RBM33: variants seen among roughly 807,000 people sequenced by gnomAD.
RBM33 encodes RNA binding motif protein 33, also known as RNA-binding protein 33.
A neutral mutation model predicts 132.6 loss-of-function variants in RBM33; 28 were observed. The observed-to-expected ratio is 0.21, with a 90% confidence interval of 0.16 to 0.29. RBM33 has a LOEUF of 0.29. Among genes scored for constraint, RBM33 ranks in the 10% least tolerant of loss-of-function variants. The pLI is 1.00. For missense variants in RBM33, 1,291 were observed against 1,518.5 expected, an observed-to-expected ratio of 0.85 and a Z score of 2.49; for synonymous variants, 634 against 593.0, an observed-to-expected ratio of 1.07 and a Z score of -1.01.
chr7:155,686,680 C>G (rs142733816), intron 5 of RBM33, among the ~76,000 whole-genome samples: 4,210 of 151,874 alleles, frequency 0.028, 90 homozygotes, highest in South Asian at 0.055. Flanking sequence ...CTTCCTGTGT[C>G]CAAGTGTTCT....
chr7:155,759,416 T>C (rs1267520007), intron 14 of RBM33, among the ~76,000 whole-genome samples: 2 of 64,636 alleles, frequency 3.1e-5, no homozygotes, highest in South Asian at 4.0e-4. Flanking sequence ...GTTTATGTTC[T>C]TTTTTTTTTT....
chr7:155,757,581 A>G (rs568719103), intron 14 of RBM33, among the ~76,000 whole-genome samples: 9 of 152,252 alleles, frequency 5.9e-5, no homozygotes, highest in African/African-American at 1.9e-4. Flanking sequence ...TGGAGCCACA[A>G]AGATGTTCCA....
chr7:155,713,125 A>G (rs899340019), intron 8 of RBM33, among the ~76,000 whole-genome samples: 1 of 152,170 alleles, frequency 6.6e-6, no homozygotes, highest in African/African-American at 2.4e-5. Flanking sequence ...AGTGATGCCC[A>G]GGTGACCAGA....
rs565735651 is a variant in RBM33 at position 155,649,534 on chromosome 7, G to A, written c.43+4615G>A. Among the ~76,000 whole-genome samples the A allele has an allele frequency of 1.1e-4, 16 of 152,034 alleles. No individual in the cohort carries two copies. The South Asian group carries it at 1.7e-3, about 16-fold the overall frequency. Reference sequence around the variant, plus strand: ...TAAATCATGTTAGCTTGATTTTTTCGGTCCCTCAGTTTTGGGACTGAAAAT... The same window carrying A: ...TAAATCATGTTAGCTTGATTTTTTCAGTCCCTCAGTTTTGGGACTGAAAAT... On this transcript the variant is annotated intron_variant, in intron 1 of 17. Coordinates refer to ENST00000401878, the MANE Select transcript of RBM33 (RefSeq NM_053043.3).
In RBM33 at chr7:155,776,535, A is replaced by G. The variant is rs1214606529; in HGVS notation, c.*1494A>G. On this transcript the variant is annotated 3_prime_UTR_variant, in exon 18 of 18. Coordinates refer to ENST00000401878, the MANE Select transcript of RBM33 (RefSeq NM_053043.3). This position sits in a 1 kb window ranked among gnomAD's most constrained non-coding sequence, Gnocchi z 4.0. ...CCAAAACAAACTGAAGAGCTGAAGC[A>G]GGTCTTCCAGACCCTGCGATCCTTT... 1 of 152,262 alleles carries G rather than the reference A, an allele frequency of 6.6e-6. No individual in the cohort carries two copies. The highest frequency in any genetic ancestry group is 1.5e-5 in the Non-Finnish European group (1 of 68,044). The allele number at this position is 152,262 out of a possible 1,614,324, so 9.4% of individuals were successfully genotyped here.
chr7:155,646,722 CTTTG>C (rs1315921909), intron 1 of RBM33, among the ~76,000 whole-genome samples: 3 of 152,140 alleles, frequency 2.0e-5, no homozygotes, highest in Non-Finnish European at 2.9e-5. Flanking sequence ...TCTCTAGCAC[CTTTG>C]TTTGTTTTCT....
intron 3 of RBM33, among the ~76,000 whole-genome samples, chr7:155,677,295 A>G (rs1264882750): frequency 6.8e-6 from 1 of 146,344 alleles, no homozygotes; most frequent in Non-Finnish European, 1.5e-5. Context: ...TGCAACCTCC[A>G]CTTTCCGATT....
chr7:155,728,058 C>T (rs1800843442), intron 9 of RBM33, among the ~76,000 whole-genome samples: 1 of 152,230 alleles, frequency 6.6e-6, no homozygotes, highest in African/African-American at 2.4e-5. Context: ...GTGTGAGGCA[C>T]TGTCCCCAGC....
At chr7:155,676,764 T>A (rs192170487) in intron 3 of RBM33, among the ~76,000 whole-genome samples, 1 of 152,342 alleles carries the variant, frequency 6.6e-6, no homozygotes, top group Admixed American at 6.5e-5. Flanking sequence ...GCCTCAAGGA[T>A]GTAGCCTAGC....
intron 1 of RBM33, among the ~76,000 whole-genome samples, chr7:155,660,592 G>T (rs1351332902): frequency 6.6e-6 from 1 of 152,156 alleles, no homozygotes; most frequent in Non-Finnish European, 1.5e-5. Flanking sequence ...GGCTGCTTCT[G>T]TTTTGATGAG....
intron 7 of RBM33, chr7:155,707,423 A>G (rs1800148971): frequency 2.4e-6 from 1 of 417,558 alleles, no homozygotes; most frequent in Non-Finnish European, 4.8e-6. Flanking sequence ...TATTACAGAT[A>G]GAATTTAGGC....
In RBM33 at chr7:155,740,009, C is replaced by A; in HGVS notation, c.2032C>A (p.Arg678Ser). 6.4e-7 allele frequency: 1 copy of A among 1,553,250 alleles called. No individual in the cohort carries two copies. Among genetic ancestry groups the A allele is most frequent in the Non-Finnish European group, 8.7e-7 (1 of 1,144,998 alleles). ...CAGCAGCCGGATGCAGTGCCCCCAG[C>A]GCCAGGGGCTCCGGCATGTAAGTGT... ...ASSSRMQCPQ[R>S]QGLRHNTTSQ... Residue 678 changes from arginine to serine, a missense_variant, in exon 12 of 18, where the codon CGC becomes AGC. By Grantham distance (110) the Arg-to-Ser change is moderately radical. Coordinates refer to ENST00000401878, the MANE Select transcript of RBM33 (RefSeq NM_053043.3).
In RBM33 at chr7:155,745,458, G is replaced by T; in HGVS notation, c.2835G>T (p.Gln945His). 2 of 1,613,878 alleles carry T rather than the reference G, an allele frequency of 1.2e-6. No homozygotes were observed. The highest frequency in any genetic ancestry group is 1.7e-6 in the Non-Finnish European group (2 of 1,179,862). ...PADVEEPAVP[Q>H]TPRVASIQGR... ...ATGTGGAGGAGCCAGCTGTCCCCCA[G>T]ACTCCTCGAGTGGCGTCCATCCAGG... Residue 945 changes from glutamine (Q) to histidine (H), a missense_variant, in exon 14 of 18, where the codon CAG becomes CAT. By Grantham distance (24) the Gln-to-His change is conservative. Coordinates refer to ENST00000401878, the MANE Select transcript of RBM33 (RefSeq NM_053043.3). This position sits in a 1 kb window ranked among gnomAD's most constrained non-coding sequence, Gnocchi z 4.1.
chr7:155,678,259 A>G (rs945654436), intron 3 of RBM33, among the ~76,000 whole-genome samples: 1 of 152,262 alleles, frequency 6.6e-6, no homozygotes, highest in East Asian at 1.9e-4. Flanking sequence ...TAAATTTAGT[A>G]GTACCTTAAG....
intron 7 of RBM33, among the ~76,000 whole-genome samples, chr7:155,708,510 A>C (rs757721964): frequency 2.0e-5 from 3 of 152,212 alleles, no homozygotes; most frequent in Non-Finnish European, 4.4e-5. Flanking sequence ...TTACCCACAA[A>C]GAAGGGAAGA....
chr7:155,763,701 A>G (rs1309260488), intron 14 of RBM33, 111 bp from the exon 15 acceptor site: 2 of 958,356 alleles, frequency 2.1e-6, no homozygotes, highest in Admixed American at 4.1e-5. Context: ...ACTTGTTTGA[A>G]ATGGTTTTGC....
chr7:155,724,987 GGTTTGTGTGT>G (rs1468718845), intron 9 of RBM33, among the ~76,000 whole-genome samples: 1 of 107,270 alleles, frequency 9.3e-6, no homozygotes, highest in Non-Finnish European at 1.9e-5. Flanking sequence ...TTTGTGTACA[GGTTTGTGTGT>G]GTGTGTGTGT....
rs754720236 is a variant in RBM33 at position 155,774,681 on chromosome 7, G to T, written c.3464+34G>T. On this transcript the variant is annotated intron_variant, in intron 17 of 17. Coordinates refer to ENST00000401878, the MANE Select transcript of RBM33 (RefSeq NM_053043.3). The surrounding 1 kb of genome is among the most constrained non-coding windows in gnomAD (Gnocchi z 4.2). ...TGTGTTCTGTGCTTGTGGTGATAAG[G>T]GGGCGGGAGCAAGGCCCTCCTTCCT... 3 of 1,559,910 alleles carry T rather than the reference G, an allele frequency of 1.9e-6. No individual in the cohort carries two copies. The East Asian group carries it at 6.7e-5, about 35-fold the overall frequency.
In RBM33 at chr7:155,745,688, G is replaced by T; in HGVS notation, c.2979+86G>T. 1 of 1,299,408 alleles carries T rather than the reference G, an allele frequency of 7.7e-7. No individual in the cohort carries two copies. The highest frequency in any genetic ancestry group is 1.0e-6 in the Non-Finnish European group (1 of 961,180). The allele number at this position is 1,299,408 out of a possible 1,614,324, so 80.5% of individuals were successfully genotyped here. A position where few individuals can be genotyped will look rare whatever the true frequency, so the allele number is the denominator to read the frequency against. ...TTTGCAGAGAATGTTTTTGAAGAAA[G>T]AATTAAAAGTTACCTCTGTTATAGT... is the stretch of plus-strand genomic sequence containing the variant. On this transcript the variant is annotated intron_variant, in intron 14 of 17. Coordinates refer to ENST00000401878, the MANE Select transcript of RBM33 (RefSeq NM_053043.3). This position sits in a 1 kb window ranked among gnomAD's most constrained non-coding sequence, Gnocchi z 4.1.
Sources: gnomAD v4.1 joint callset for allele counts (sites outside exome capture counted in the v4.1 genomes callset) on GRCh38, gnomAD v4.1.1 for gene constraint, Gnocchi (gnomAD v3.1) non-coding constraint, MANE v1.5 for transcripts, NCBI Gene and HGNC (gene_info 2026-07-23, HGNC 2026-07-21) for gene names.